HPS5: variants seen among roughly 807,000 people sequenced by gnomAD.
HPS5 encodes the protein BLOC-2 complex member HPS5.
In HPS5, 83 loss-of-function variants were observed where a neutral mutation model predicts 128.0. That is an observed-to-expected ratio of 0.65 (90% confidence interval 0.54 to 0.78). HPS5 has a LOEUF of 0.78. Among genes scored for constraint, HPS5 ranks in the 30% least tolerant of loss-of-function variants. The probability of loss-of-function intolerance (pLI) is 0.00; values close to 1 mark genes in which losing one functional copy is unlikely to be tolerated. For missense variants in HPS5, 1,281 were observed against 1,326.2 expected (o/e 0.97, Z 0.53); for synonymous variants, 475 against 470.2 (o/e 1.01, Z -0.13).
chr11:18,307,511 T>A (rs1862506405), intron 6 of HPS5, among the ~76,000 whole-genome samples: 2 of 151,750 alleles, frequency 1.3e-5, no homozygotes. Flanking sequence ...GCTAAGGAGC[T>A]GGAGGAACAT....
Position 18,278,782 on chromosome 11 carries a change from TTTA to T in HPS5, c.*1097_*1099del, listed in dbSNP as rs984738571. ...ATGAAAACTTTAGTCATATTTTACA[TTTA>T]TTATTAATATAACATGCTATGTAAA... On this transcript the variant is annotated 3_prime_UTR_variant, in exon 23 of 23. Transcript: ENST00000349215. The T allele has an allele frequency of 4.6e-5, 7 of 152,474 alleles. No homozygotes were observed. Among genetic ancestry groups the T allele is most frequent in the Non-Finnish European group, 7.3e-5 (5 of 68,046 alleles). 9.4% of individuals were successfully genotyped at this position (152,474 alleles called of 1,614,324 possible). A position where few individuals can be genotyped will look rare whatever the true frequency, so the allele number is the denominator to read the frequency against.
chr11:18,286,541 C>CAA (rs370679561), intron 19 of HPS5, 50 bp downstream of exon 19: 209 of 1,205,344 alleles, frequency 1.7e-4, no homozygotes, highest in African/African-American at 6.4e-4. Flanking sequence ...GATCCTGTCT[C>CAA]AAAAAAAAAA....
intron 14 of HPS5, 32 bp downstream of exon 14, chr11:18,294,988 G>C (rs745352065): frequency 6.2e-7 from 1 of 1,612,622 alleles, no homozygotes; most frequent in Non-Finnish European, 8.5e-7. Context: ...GGATTCCCTA[G>C]AATGTATAGA....
In HPS5 at chr11:18,297,722, T is replaced by C; in HGVS notation, c.1165-5A>G. On this transcript the variant is annotated splice_polypyrimidine_tract_variant and splice_region_variant and intron_variant, in intron 10 of 22. Coordinates refer to ENST00000349215, the MANE Select transcript of HPS5 (RefSeq NM_181507.2). Reference sequence around the variant, plus strand: ...TGCAGTCAAAGTTTTTCTTGCCTAATAAAACAACAGCGCAATGGAATAGCT... The same window carrying C: ...TGCAGTCAAAGTTTTTCTTGCCTAACAAAACAACAGCGCAATGGAATAGCT... 3.1e-6 allele frequency: 5 copies of C among 1,613,184 alleles called. No individual in the cohort carries two copies. Among genetic ancestry groups the C allele is most frequent in the Non-Finnish European group, 4.2e-6 (5 of 1,179,394 alleles).
chr11:18,308,121 G>A (rs980423015), intron 6 of HPS5, among the ~76,000 whole-genome samples: 6 of 152,174 alleles, frequency 3.9e-5, no homozygotes, highest in South Asian at 2.1e-4. Flanking sequence ...TTGGCATAGT[G>A]ATGCATAATA....
intron 16 of HPS5, among the ~76,000 whole-genome samples, chr11:18,290,795 T>C (rs1462069620): frequency 6.6e-6 from 1 of 152,146 alleles, no homozygotes; most frequent in Non-Finnish European, 1.5e-5. Flanking sequence ...CAGTGGCACA[T>C]GCCTGTAATC....
intron 15 of HPS5, 71 bp from the exon 16 acceptor site, chr11:18,292,090 T>C: frequency 8.6e-7 from 1 of 1,166,050 alleles, no homozygotes; most frequent in East Asian, 2.3e-5. Context: ...TTCATGCTAA[T>C]AAATTAACCT....
intron 22 of HPS5, 42 bp from the exon 23 acceptor site, chr11:18,279,984 T>C (rs760409544): frequency 1.9e-6 from 3 of 1,584,296 alleles, no homozygotes; most frequent in Admixed American, 1.7e-5. Flanking sequence ...TTAGTTGTCA[T>C]TGTTCATTCT....
intron 2 of HPS5, among the ~76,000 whole-genome samples, chr11:18,313,575 C>T (rs1338369525): frequency 6.6e-6 from 1 of 151,820 alleles, no homozygotes; most frequent in Middle Eastern, 3.2e-3. Flanking sequence ...CGAGACCAGC[C>T]TGGGCAACAG....
chr11:18,318,325 G>A (rs188481195), intron 1 of HPS5, among the ~76,000 whole-genome samples: 129 of 152,224 alleles, frequency 8.5e-4, no homozygotes, highest in Non-Finnish European at 1.4e-3. Context: ...CTTATTAACT[G>A]TTATCAGCAA....
chr11:18,315,576 G>C (rs1863525578), intron 2 of HPS5, among the ~76,000 whole-genome samples: 1 of 151,600 alleles, frequency 6.6e-6, no homozygotes, highest in Non-Finnish European at 1.5e-5. Context: ...TCGTGCCACT[G>C]CACTCCAGCC....
chr11:18,299,156 C>G (rs966321859), intron 9 of HPS5, among the ~76,000 whole-genome samples, 186 bp from the exon 10 acceptor site: 1 of 152,042 alleles, frequency 6.6e-6, no homozygotes, highest in Non-Finnish European at 1.5e-5. Context: ...CTAAAAAGAT[C>G]AAGAATAAAA....
chr11:18,311,544 T>G, intron 3 of HPS5, 93 bp from the exon 4 acceptor site: 1 of 661,318 alleles, frequency 1.5e-6, no homozygotes, highest in Non-Finnish European at 2.4e-6. Flanking sequence ...TGAGTCTCGC[T>G]CTGTTGCCCA....
rs144196437 is a variant in HPS5 at position 18,288,021 on chromosome 11, A to G, written c.2441-8T>C. On this transcript the variant is annotated splice_polypyrimidine_tract_variant and splice_region_variant and intron_variant, in intron 16 of 22. Coordinates refer to ENST00000349215, the MANE Select transcript of HPS5 (RefSeq NM_181507.2). ...GATTGGAACTTGCCATTTCTGAAAT[A>G]TAAAGCATATCCTTTTCCAAACTTT... 1.2e-3 allele frequency: 1,917 copies of G among 1,613,532 alleles called. 28 individuals are homozygous for G. In the African/African-American group the frequency reaches 0.023, roughly 19 times the overall value.
chr11:18,287,543 T>A lies in HPS5; in HGVS notation c.2709A>T (p.Glu903Asp). 6.2e-7 allele frequency: 1 copy of A among 1,614,190 alleles called. No individual in the cohort carries two copies. Residue 903 changes from glutamate (E) to aspartate (D), a missense_variant, in exon 18 of 23, where the codon GAA becomes GAT. Glu to Asp is a conservative substitution (Grantham distance 45). Coordinates refer to ENST00000349215, the MANE Select transcript of HPS5 (RefSeq NM_181507.2). ...TATGCTCTCCTTCTCACCGCTGATC[T>A]TCAGGCCTTGATTTCACCAGACTGT... ...YLDSLVKSRP[E>D]DQRSSFLESL...
chr11:18,290,839 T>C (rs1344595167), intron 16 of HPS5, among the ~76,000 whole-genome samples: 2 of 152,148 alleles, frequency 1.3e-5, no homozygotes, highest in Admixed American at 6.5e-5. Context: ...GGAGGATCGC[T>C]TGAACCCAAG....
At chr11:18,316,064 T>C (rs902251118) in intron 2 of HPS5, among the ~76,000 whole-genome samples, 3 of 152,156 alleles carry the variant, frequency 2.0e-5, no homozygotes, top group Non-Finnish European at 4.4e-5. Context: ...AGGAGTTCGA[T>C]GTTATCATGA....
intron 8 of HPS5, among the ~76,000 whole-genome samples, chr11:18,304,016 C>G (rs1215119253): frequency 6.6e-6 from 1 of 152,096 alleles, no homozygotes; most frequent in Non-Finnish European, 1.5e-5. Context: ...ATGGAGCTTA[C>G]TGTTTAGGGT....
At chr11:18,316,685 C>T (rs763733892) in intron 2 of HPS5, among the ~76,000 whole-genome samples, 2 of 152,212 alleles carry the variant, frequency 1.3e-5, no homozygotes, top group African/African-American at 2.4e-5. Context: ...GTTGAGGATG[C>T]AGCCTAGGAC....
Sources: gnomAD v4.1 joint callset for allele counts (sites outside exome capture counted in the v4.1 genomes callset) on GRCh38, gnomAD v4.1.1 for gene constraint, MANE v1.5 for transcripts, NCBI Gene and HGNC (gene_info 2026-07-23, HGNC 2026-07-21) for gene names.